Variants in XRCC4 observed in about 807,000 individuals in gnomAD.
XRCC4 encodes X-ray repair cross complementing 4, also known as DNA repair protein XRCC4.
A neutral mutation model predicts 39.1 loss-of-function variants in XRCC4; 28 were observed. The observed-to-expected ratio is 0.72, with a 90% CI of 0.53 to 0.98. The LOEUF is 0.98. XRCC4 is among the 50% of genes least tolerant of loss of function. The pLI, the probability that XRCC4 is intolerant of heterozygous loss-of-function variation, is 0.00. For synonymous variants in XRCC4, 123 were observed against 126.4 expected (o/e 0.97, Z 0.18); for missense variants, 350 against 376.4 (o/e 0.93, Z 0.58).
chr5:83,115,830 C>A (rs984283005), intron 3 of XRCC4, among the ~76,000 whole-genome samples: 3 of 152,144 alleles, frequency 2.0e-5, no homozygotes, highest in African/African-American at 7.2e-5. Context: ...TATCTGTCTC[C>A]TTATTTATTC....
chr5:83,088,770 AT>A (rs1298754556), intron 1 of XRCC4, among the ~76,000 whole-genome samples: 3 of 152,334 alleles, frequency 2.0e-5, no homozygotes, highest in African/African-American at 4.8e-5. Context: ...TGCATATAAC[AT>A]TTCCAACTTC....
At chr5:83,219,097 G>A (rs1239128319) in intron 6 of XRCC4, among the ~76,000 whole-genome samples, 1 of 151,982 alleles carries the variant, frequency 6.6e-6, no homozygotes. Context: ...TAGGCAACCA[G>A]CTTCTCCCTG....
chr5:83,130,998 T>C lies in XRCC4; in HGVS notation c.315+19795T>C, dbSNP rs991059536. On this transcript the variant is annotated intron_variant, in intron 3 of 7. Transcript: ENST00000396027. ...ATTCTGCTCTGATCCTAGTTGTTTC[T>C]TGCCTTCTGCTAGCTTTTGAATATG... Among the ~76,000 whole-genome samples, 3 of 152,320 alleles carry C rather than the reference T, an allele frequency of 2.0e-5. No individual in the cohort carries two copies. The South Asian group carries it at 6.2e-4, about 32-fold the overall frequency.
At chr5:83,352,853 A>T (rs1461889026) in intron 7 of XRCC4, among the ~76,000 whole-genome samples, 1 of 152,218 alleles carries the variant, frequency 6.6e-6, no homozygotes, top group African/African-American at 2.4e-5. Flanking sequence ...ATTATAGCAC[A>T]GAGGACAGAA....
At chr5:83,155,662 T>C (rs1001306188) in intron 3 of XRCC4, among the ~76,000 whole-genome samples, 4 of 152,052 alleles carry the variant, frequency 2.6e-5, no homozygotes, top group African/African-American at 9.7e-5. Flanking sequence ...GCACCTAAAA[T>C]ACTGTTAAAA....
chr5:83,353,997 G>A (rs2112242725), downstream of XRCC4, among the ~76,000 whole-genome samples: 1 of 152,240 alleles, frequency 6.6e-6, no homozygotes, highest in East Asian at 1.9e-4. Flanking sequence ...TATCTTTGTA[G>A]TCACTGTTTC....
chr5:83,083,124 CT>C (rs1374762428), intron 1 of XRCC4, among the ~76,000 whole-genome samples: 3 of 152,174 alleles, frequency 2.0e-5, no homozygotes, highest in South Asian at 2.1e-4. Flanking sequence ...GCCCCTACCC[CT>C]ATCTCCTCCA....
chr5:83,171,260 T>G lies in XRCC4; in HGVS notation c.316-24510T>G, dbSNP rs138988454. ...TCTTGCTGATACTTTTGCAAACAAC[T>G]GATCTTCTTATCTCTGGTCCTGCCT... On this transcript the variant is annotated intron_variant, in intron 3 of 7. Transcript: ENST00000396027. 2.0e-5 allele frequency among the ~76,000 whole-genome samples: 3 copies of G among 152,256 alleles called. No individual in the cohort carries two copies. In the East Asian group the frequency reaches 5.8e-4, roughly 29 times the overall value.
At chr5:83,132,451 T>A (rs1747645664) in intron 3 of XRCC4, among the ~76,000 whole-genome samples, 1 of 152,182 alleles carries the variant, frequency 6.6e-6, no homozygotes, top group Admixed American at 6.6e-5. Context: ...GGGGAAGTTT[T>A]CCTGGATAAT....
chr5:83,367,585 A>G, the XRCC4 span, among the ~76,000 whole-genome samples: 2 of 152,032 alleles, frequency 1.3e-5, no homozygotes, highest in Admixed American at 1.3e-4. Context: ...CTCATCCCAA[A>G]AGTGGGCATC....
intron 3 of XRCC4, among the ~76,000 whole-genome samples, chr5:83,189,716 A>G (rs1301565367): frequency 6.6e-6 from 1 of 152,158 alleles, no homozygotes; most frequent in South Asian, 2.1e-4. Flanking sequence ...CAACTGAGAT[A>G]TGTTACTGTC....
At chr5:83,333,956 G>A (rs1324611817) in intron 7 of XRCC4, among the ~76,000 whole-genome samples, 2 of 152,030 alleles carry the variant, frequency 1.3e-5, no homozygotes, top group African/African-American at 2.4e-5. Context: ...TTTTAGTAGA[G>A]ACGGGGTTTC....
chr5:83,301,533 A>C (rs1755285199), intron 7 of XRCC4, among the ~76,000 whole-genome samples: 1 of 151,880 alleles, frequency 6.6e-6, no homozygotes, highest in African/African-American at 2.4e-5. Flanking sequence ...TTACCTGTTC[A>C]CTCTGATGAT....
intron 6 of XRCC4, among the ~76,000 whole-genome samples, chr5:83,238,592 AT>A (rs1475675042): frequency 2.0e-5 from 3 of 151,986 alleles, no homozygotes; most frequent in African/African-American, 7.3e-5. Flanking sequence ...TAAGATAAAA[AT>A]ATATAGTAAT....
At chr5:83,248,512 A>T (rs1413363641) in intron 6 of XRCC4, among the ~76,000 whole-genome samples, 1 of 152,178 alleles carries the variant, frequency 6.6e-6, no homozygotes, top group Admixed American at 6.5e-5. Flanking sequence ...AGGCATCAAG[A>T]CTGATTCCAT....
chr5:83,191,694 T>C (rs773273613), intron 3 of XRCC4, among the ~76,000 whole-genome samples: 8 of 152,070 alleles, frequency 5.3e-5, no homozygotes, highest in African/African-American at 1.9e-4. Flanking sequence ...AGTGAGACTG[T>C]CTAAAAAAAC....
At chr5:83,192,955 A>G (rs1393514641) in intron 3 of XRCC4, among the ~76,000 whole-genome samples, 3 of 152,212 alleles carry the variant, frequency 2.0e-5, no homozygotes, top group Non-Finnish European at 4.4e-5. Flanking sequence ...AACTGGAGTA[A>G]AAATTTAAAA....
At chr5:83,350,216 A>G (rs148959104) in intron 7 of XRCC4, among the ~76,000 whole-genome samples, 135 of 152,322 alleles carry the variant, frequency 8.9e-4, no homozygotes, top group Non-Finnish European at 1.3e-3. Context: ...TAGTGCTGCA[A>G]TGAACATGCC....
At chr5:83,314,788 T>C (rs949565730) in intron 7 of XRCC4, among the ~76,000 whole-genome samples, 3 of 152,112 alleles carry the variant, frequency 2.0e-5, no homozygotes, top group Non-Finnish European at 2.9e-5. Context: ...CAATAAATGT[T>C]GCATGCATTC....
Sources: gnomAD v4.1 joint callset for allele counts (sites outside exome capture counted in the v4.1 genomes callset) on GRCh38, gnomAD v4.1.1 for gene constraint, MANE v1.5 for transcripts, NCBI Gene and HGNC (gene_info 2026-07-23, HGNC 2026-07-21) for gene names.